SERPINI1: variants seen among roughly 807,000 people sequenced by gnomAD.
The protein encoded by SERPINI1 is serpin family I member 1.
Under a neutral mutation model 41.1 loss-of-function variants are expected in SERPINI1, and 19 were observed. The observed-to-expected ratio is 0.46, with a 90% confidence interval of 0.32 to 0.68. The LOEUF (loss-of-function observed/expected upper bound fraction) is 0.68. SERPINI1 is among the 30% of genes least tolerant of loss of function. The probability of loss-of-function intolerance (pLI) is 0.03; values close to 1 mark genes in which losing one functional copy is unlikely to be tolerated. For missense variants in SERPINI1, 460 were observed against 479.2 expected (o/e 0.96, Z 0.37); for synonymous variants, 138 against 156.6 (o/e 0.88, Z 0.89).
intron 5 of SERPINI1, 78 bp downstream of exon 5, chr3:167,794,902 C>T (rs762618173): frequency 3.3e-5 from 37 of 1,122,034 alleles, no homozygotes; most frequent in Non-Finnish European, 4.0e-5. Context: ...AAAAACTCTT[C>T]GAACTGCTTT....
At chr3:167,740,913 A>C (rs754856992) in intron 1 of SERPINI1, among the ~76,000 whole-genome samples, 1 of 152,244 alleles carries the variant, frequency 6.6e-6, no homozygotes, top group Non-Finnish European at 1.5e-5. Context: ...GAGAAAAATA[A>C]ATAGATGAAT....
intron 5 of SERPINI1, among the ~76,000 whole-genome samples, chr3:167,806,855 TA>T (rs35823499): frequency 0.32 from 47,999 of 148,570 alleles, 8,028 homozygotes; most frequent in African/African-American, 0.4. Context: ...ATCTCCAGCT[TA>T]AAAAAAAAAA....
chr3:167,770,609 A>G (rs1317674310), intron 1 of SERPINI1, among the ~76,000 whole-genome samples: 2 of 152,098 alleles, frequency 1.3e-5, no homozygotes, highest in African/African-American at 2.4e-5. Flanking sequence ...TTAAATGTTT[A>G]GTATAATATA....
chr3:167,764,353 G>A (rs1180799874), intron 1 of SERPINI1, among the ~76,000 whole-genome samples: 3 of 152,192 alleles, frequency 2.0e-5, no homozygotes, highest in African/African-American at 7.2e-5. Flanking sequence ...CAATCATGGT[G>A]GAAGGCAAGG....
chr3:167,797,580 T>C (rs1288353052), intron 5 of SERPINI1, among the ~76,000 whole-genome samples: 6 of 152,188 alleles, frequency 3.9e-5, no homozygotes, highest in Non-Finnish European at 8.8e-5. Context: ...TATAGCCACA[T>C]ATTTTCTTGT....
intron 1 of SERPINI1, among the ~76,000 whole-genome samples, chr3:167,736,773 T>C (rs1229940066): frequency 6.6e-6 from 1 of 152,232 alleles, no homozygotes; most frequent in African/African-American, 2.4e-5. Context: ...TGGAAATAAG[T>C]TGTAATGCTG....
chr3:167,782,653 A>G (rs955083158), intron 1 of SERPINI1, among the ~76,000 whole-genome samples: 1 of 152,232 alleles, frequency 6.6e-6, no homozygotes, highest in Non-Finnish European at 1.5e-5. Context: ...AATTACCTGT[A>G]ACAGAAGGAA....
intron 1 of SERPINI1, among the ~76,000 whole-genome samples, chr3:167,738,375 A>T (rs1343161242): frequency 6.6e-6 from 1 of 152,096 alleles, no homozygotes; most frequent in Admixed American, 6.5e-5. Flanking sequence ...TTTGAGTAAA[A>T]ATAAGTTAGC....
At chr3:167,768,376 A>T (rs1726632851) in intron 1 of SERPINI1, among the ~76,000 whole-genome samples, 1 of 152,218 alleles carries the variant, frequency 6.6e-6, no homozygotes, top group Non-Finnish European at 1.5e-5. Flanking sequence ...TGTAAGCATA[A>T]CTTTTATATA....
intron 1 of SERPINI1, among the ~76,000 whole-genome samples, chr3:167,786,053 T>A (rs974088539): frequency 6.6e-6 from 1 of 152,180 alleles, no homozygotes; most frequent in Non-Finnish European, 1.5e-5. Flanking sequence ...ATTACGTAGC[T>A]CCTCGGCTAC....
intron 5 of SERPINI1, among the ~76,000 whole-genome samples, chr3:167,797,661 T>C (rs34131147): frequency 0.13 from 19,390 of 151,886 alleles, 1,494 homozygotes; most frequent in African/African-American, 0.21. Flanking sequence ...CATAACTTTC[T>C]GTGACAATAC....
intron 1 of SERPINI1, among the ~76,000 whole-genome samples, chr3:167,779,227 G>A (rs1368063803): frequency 2.0e-5 from 3 of 152,022 alleles, no homozygotes; most frequent in Non-Finnish European, 4.4e-5. Context: ...CCGATTAAAT[G>A]GTAATTATTT....
At chr3:167,815,495 T>C (rs1712049396) in intron 6 of SERPINI1, among the ~76,000 whole-genome samples, 1 of 151,980 alleles carries the variant, frequency 6.6e-6, no homozygotes, top group African/African-American at 2.4e-5. Context: ...GTTCGAGCAA[T>C]TCTCTGGCCT....
intron 1 of SERPINI1, among the ~76,000 whole-genome samples, chr3:167,759,400 G>GTGTATGTATATATATATA (rs964402772): frequency 8.3e-6 from 1 of 121,116 alleles, no homozygotes; most frequent in African/African-American, 3.0e-5. Flanking sequence ...AGAAAATGTG[G>GTGTATGTATATATATATA]TATATATATA....
intron 8 of SERPINI1, 37 bp downstream of exon 8, chr3:167,824,599 G>A (rs536800433): frequency 2.2e-6 from 3 of 1,343,218 alleles, no homozygotes; most frequent in South Asian, 2.4e-5. Context: ...TATTTAATAG[G>A]TCACAAAGAA....
intron 1 of SERPINI1, among the ~76,000 whole-genome samples, chr3:167,771,727 A>C (rs1310904099): frequency 6.6e-6 from 1 of 152,230 alleles, no homozygotes; most frequent in African/African-American, 2.4e-5. Flanking sequence ...ATTATTTGGC[A>C]CAAGTAGGAC....
chr3:167,786,884 A>C (rs9852595), intron 1 of SERPINI1, among the ~76,000 whole-genome samples: 33,423 of 152,056 alleles, frequency 0.22, 4,557 homozygotes, highest in Non-Finnish European at 0.31. Context: ...TTACTCACTC[A>C]CTTACCCAAA....
intron 2 of SERPINI1, 56 bp downstream of exon 2, chr3:167,789,434 T>C: frequency 6.3e-7 from 1 of 1,594,208 alleles, no homozygotes; most frequent in South Asian, 1.1e-5. Flanking sequence ...TTGACTCAGT[T>C]ATGTTGTATT....
chr3:167,781,026 A>G (rs80301691), intron 1 of SERPINI1, among the ~76,000 whole-genome samples: 1 of 152,156 alleles, frequency 6.6e-6, no homozygotes, highest in Non-Finnish European at 1.5e-5. Context: ...GGGAAGGAAC[A>G]CTATGCATGA....
Sources: allele counts gnomAD v4.1 joint callset (sites outside exome capture counted in the v4.1 genomes callset), GRCh38; gene constraint gnomAD v4.1.1; transcripts MANE v1.5; gene names NCBI Gene and HGNC (gene_info 2026-07-23, HGNC 2026-07-21).